SORCS1: variants seen among roughly 807,000 people sequenced by gnomAD.
SORCS1 encodes sortilin related VPS10 domain containing receptor 1, also known as VPS10 domain-containing receptor SorCS1.
A neutral mutation model predicts 146.1 loss-of-function variants in SORCS1; 60 were observed. That is an observed-to-expected ratio of 0.41 (90% CI 0.33 to 0.51). SORCS1 has a LOEUF of 0.51. Ranked by LOEUF, SORCS1 falls within the 20% of genes least tolerant of loss-of-function variation. The pLI, the probability that SORCS1 is intolerant of heterozygous loss-of-function variation, is 0.21. For missense variants in SORCS1, 1,352 were observed against 1,487.6 expected (o/e 0.91, Z 1.50); for synonymous variants, 637 against 584.0 (o/e 1.09, Z -1.31).
At chr10:107,097,899 C>T (rs1964646435) in intron 1 of SORCS1, among the ~76,000 whole-genome samples, 1 of 152,208 alleles carries the variant, frequency 6.6e-6, no homozygotes, top group African/African-American at 2.4e-5. Context: ...CAAAAATCTA[C>T]ATCCTTGAGC....
intron 18 of SORCS1, among the ~76,000 whole-genome samples, chr10:106,631,772 G>A (rs983069660): frequency 3.9e-5 from 6 of 152,128 alleles, no homozygotes; most frequent in Non-Finnish European, 8.8e-5. Flanking sequence ...TACAACTTTG[G>A]CTGCCATTGC....
chr10:106,715,441 TAAA>T (rs1214718187), intron 6 of SORCS1, among the ~76,000 whole-genome samples: 2 of 152,220 alleles, frequency 1.3e-5, no homozygotes, highest in Non-Finnish European at 2.9e-5. Context: ...AAGCTGCTTT[TAAA>T]AAGGTAGGCT....
intron 1 of SORCS1, among the ~76,000 whole-genome samples, chr10:106,998,731 T>A (rs1486781869): frequency 1.3e-5 from 2 of 152,202 alleles, no homozygotes; most frequent in Non-Finnish European, 2.9e-5. Flanking sequence ...CCCTACCACA[T>A]ACACACACCA....
chr10:106,761,909 C>T (rs886656371), intron 4 of SORCS1, among the ~76,000 whole-genome samples: 1 of 152,188 alleles, frequency 6.6e-6, no homozygotes, highest in Non-Finnish European at 1.5e-5. Context: ...TGAGAAATTA[C>T]ATGTCAAAGA....
intron 17 of SORCS1, among the ~76,000 whole-genome samples, chr10:106,653,677 C>G (rs967169933): frequency 1.3e-5 from 2 of 152,124 alleles, no homozygotes; most frequent in Non-Finnish European, 2.9e-5. Flanking sequence ...GTGAGAAAGT[C>G]AAAGGAGATA....
At chr10:107,125,154 T>C (rs1044360273) in intron 1 of SORCS1, among the ~76,000 whole-genome samples, 3 of 152,080 alleles carry the variant, frequency 2.0e-5, no homozygotes, top group African/African-American at 4.8e-5. Context: ...GGTTTCACCA[T>C]GTTGGCCAGG....
chr10:106,787,748 A>G (rs1262140678), intron 3 of SORCS1, among the ~76,000 whole-genome samples: 1 of 152,252 alleles, frequency 6.6e-6, no homozygotes, highest in East Asian at 1.9e-4. Flanking sequence ...GCTAGTCACC[A>G]CAATTGCTTA....
intron 2 of SORCS1, among the ~76,000 whole-genome samples, chr10:106,897,471 T>C (rs1314022773): frequency 6.6e-6 from 1 of 152,168 alleles, no homozygotes; most frequent in Admixed American, 6.5e-5. Context: ...AAAAAAGATA[T>C]ACCTTTTCTA....
intron 2 of SORCS1, among the ~76,000 whole-genome samples, chr10:106,921,213 G>T (rs1952695435): frequency 6.6e-6 from 1 of 152,154 alleles, no homozygotes; most frequent in South Asian, 2.1e-4. Context: ...ATACATTCAT[G>T]GGGCTCAAAG....
At chr10:106,918,323 G>T (rs1373562970) in intron 2 of SORCS1, among the ~76,000 whole-genome samples, 1 of 152,018 alleles carries the variant, frequency 6.6e-6, no homozygotes, top group Non-Finnish European at 1.5e-5. Context: ...ACCACGCCTG[G>T]CTAATTTTTT....
At chr10:107,028,912 T>C (rs7903934) in intron 1 of SORCS1, among the ~76,000 whole-genome samples, 12,007 of 152,242 alleles carry the variant, frequency 0.079, 1,527 homozygotes, top group African/African-American at 0.27. Flanking sequence ...TCTTTGTTCA[T>C]CATTAAAATG....
intron 17 of SORCS1, among the ~76,000 whole-genome samples, chr10:106,656,009 A>G (rs1260966491): frequency 6.6e-6 from 1 of 152,210 alleles, no homozygotes; most frequent in African/African-American, 2.4e-5. Flanking sequence ...GCATTCTTCA[A>G]TCTGCCAAGA....
At chr10:107,029,303 A>T (rs1284875945) in intron 1 of SORCS1, among the ~76,000 whole-genome samples, 4 of 152,216 alleles carry the variant, frequency 2.6e-5, no homozygotes, top group Admixed American at 2.6e-4. Flanking sequence ...CATGATGGCC[A>T]ATATTCTCTT....
chr10:106,642,686 G>C (rs1175493147), intron 18 of SORCS1, among the ~76,000 whole-genome samples: 1 of 151,472 alleles, frequency 6.6e-6, no homozygotes, highest in South Asian at 2.1e-4. Flanking sequence ...AAATTCCTTG[G>C]GTGCTGCATT....
chr10:107,113,054 C>T (rs1169325451), intron 1 of SORCS1, among the ~76,000 whole-genome samples: 7 of 152,142 alleles, frequency 4.6e-5, no homozygotes, highest in African/African-American at 7.2e-5. Flanking sequence ...AACAACTACA[C>T]GTTCTTCTCA....
At chr10:107,104,696 G>A (rs1365794822) in intron 1 of SORCS1, among the ~76,000 whole-genome samples, 3 of 152,212 alleles carry the variant, frequency 2.0e-5, no homozygotes, top group South Asian at 4.1e-4. Context: ...CATGATCCTG[G>A]TATGAAAGAG....
At position 106,795,537 on chromosome 10, in the gene SORCS1, G is replaced by A. The variant is rs530748247; in HGVS notation, c.727-18845C>T. The stretch of plus-strand genomic sequence containing the variant: ...ATAGGAACACTGAGGACTAGACCAC[G>A]TGATGTGGGGTTGCTGGCTAAAAGA... On this transcript the variant is annotated intron_variant, in intron 3 of 25. Transcript: ENST00000263054. Among the ~76,000 whole-genome samples, 103 of 152,272 alleles carry A rather than the reference G, an allele frequency of 6.8e-4. 1 individual carries two copies. The highest frequency in any genetic ancestry group is 2.3e-3 in the African/African-American group (96 of 41,558).
chr10:107,072,294 G>T (rs1962495711), intron 1 of SORCS1, among the ~76,000 whole-genome samples: 1 of 152,228 alleles, frequency 6.6e-6, no homozygotes, highest in African/African-American at 2.4e-5. Context: ...GCAGAGTGCA[G>T]AAGGGTAGGT....
chr10:106,617,537 T>C (rs935054759), intron 21 of SORCS1, among the ~76,000 whole-genome samples: 1 of 152,170 alleles, frequency 6.6e-6, no homozygotes, highest in African/African-American at 2.4e-5. Flanking sequence ...AATCAATGAC[T>C]CCATCTTTTC....
Sources: gnomAD v4.1 joint callset for allele counts (sites outside exome capture counted in the v4.1 genomes callset) on GRCh38, gnomAD v4.1.1 for gene constraint, MANE v1.5 for transcripts, NCBI Gene and HGNC (gene_info 2026-07-23, HGNC 2026-07-21) for gene names.